ACAN: variants seen among roughly 807,000 people sequenced by gnomAD.
The protein encoded by ACAN is aggrecan core protein.
ACAN carries 47 observed loss-of-function variants against 169.1 expected under a neutral mutation model. The ratio of observed to expected loss-of-function variants is 0.28; its 90% CI spans 0.22 to 0.35. ACAN has a LOEUF of 0.35. ACAN is among the 10% of genes least tolerant of loss of function. ACAN has a pLI of 1.00. For missense variants in ACAN, 2,716 were observed against 2,759.9 expected (o/e 0.98, Z 0.36); for synonymous variants, 1,115 against 1,112.2 (o/e 1.00, Z -0.05).
chr15:88,821,987 C>T (rs1207580478), intron 1 of ACAN, among the ~76,000 whole-genome samples: 2 of 152,320 alleles, frequency 1.3e-5, no homozygotes, highest in South Asian at 2.1e-4. Context: ...CTAGAGGAGT[C>T]ATGCAGACAG....
Position 88,871,923 on chromosome 15 carries a change from C to T in ACAN, c.7220-80C>T, listed in dbSNP as rs1897388593. On this transcript the variant is annotated intron_variant, in intron 15 of 18. Transcript: ENST00000560601. The surrounding 1 kb of genome is among the most constrained non-coding windows in gnomAD (Gnocchi z 7.8). ...CCCACCTCCTTTCCTCCTCCATCCC[C>T]TCTGCCTCCGTGAGCTCAAGTTTCT... 9 of 1,290,384 alleles carry T rather than the reference C, an allele frequency of 7.0e-6. No individual in the cohort carries two copies. In the South Asian group the frequency reaches 9.4e-5, roughly 14 times the overall value. 79.9% of individuals were successfully genotyped at this position (1,290,384 alleles called of 1,614,324 possible).
rs1326641800 is a variant in ACAN at position 88,854,951 on chromosome 15, C to T, written c.2366C>T (p.Pro789Leu). The stretch of plus-strand genomic sequence containing the variant: ...CCCTCTGCCTCAGAGGAACCATCCC[C>T]CTCAGAGGTGCCATTCCCCTCAGAG... ...EVPSASEEPS[P>L]SEVPFPSEEP... Residue 789 changes from proline to leucine, a missense_variant, in exon 12 of 19, where the codon CCC becomes CTC. Transcript: ENST00000560601. 1.3e-6 allele frequency: 2 copies of T among 1,598,596 alleles called. No individual in the cohort carries two copies. Among genetic ancestry groups the T allele is most frequent in the Non-Finnish European group, 8.5e-7 (1 of 1,173,074 alleles).
chr15:88,839,183 G>T lies in ACAN; in HGVS notation c.454+137G>T. 9.0e-7 allele frequency: 1 copy of T among 1,113,016 alleles called. No homozygotes were observed. The allele number at this position is 1,113,016 out of a possible 1,614,324, so 68.9% of individuals were successfully genotyped here. A position where few individuals can be genotyped will look rare whatever the true frequency, so the allele number is the denominator to read the frequency against. On this transcript the variant is annotated intron_variant, in intron 3 of 18. Coordinates refer to ENST00000560601, the MANE Select transcript of ACAN (RefSeq NM_001369268.1). The surrounding 1 kb of genome is among the most constrained non-coding windows in gnomAD (Gnocchi z 4.5). ...TCAGCCAAGTTACTTAACTTCAGCT[G>T]CTTCCTCTGTGACATGGAGCTGGTA...
rs759847781 is a variant in ACAN, at chr15:88,843,483, A to C, written c.886A>C (p.Met296Leu). 4 of 1,612,150 alleles carry C rather than the reference A, an allele frequency of 2.5e-6. No individual in the cohort carries two copies. The highest frequency in any genetic ancestry group is 1.7e-5 in the Admixed American group (1 of 59,916). ...CCTGGCCTGGCAGGCTGGCATGGACATGTGCAGCGCCGGCTGGCTGGCCGA... is the reference window on the plus strand; with the variant it reads ...CCTGGCCTGGCAGGCTGGCATGGACCTGTGCAGCGCCGGCTGGCTGGCCGA... ...LYLAWQAGMD[M>L]CSAGWLADRS... The change falls in exon 6 of 19, where the codon ATG (methionine) becomes CTG (leucine). Residue 296 changes from methionine (M) to leucine (L), a missense_variant. Around this residue, in one of 3 missense-constraint regions of ACAN, gnomAD observed 1,283 missense variants for 1,281.5 expected, o/e 1.00. Coordinates refer to ENST00000560601, the MANE Select transcript of ACAN (RefSeq NM_001369268.1). The surrounding 1 kb of genome is among the most constrained non-coding windows in gnomAD (Gnocchi z 4.0).
intron 1 of ACAN, among the ~76,000 whole-genome samples, chr15:88,818,603 A>G (rs1596115928): frequency 6.6e-6 from 1 of 152,328 alleles, no homozygotes; most frequent in South Asian, 2.1e-4. Flanking sequence ...TAGCAAGCCA[A>G]TTAATTTATT....
intron 1 of ACAN, among the ~76,000 whole-genome samples, chr15:88,812,383 CCT>C (rs1481746294): frequency 6.6e-6 from 1 of 152,004 alleles, no homozygotes; most frequent in Non-Finnish European, 1.5e-5. Context: ...TTGCATATTT[CCT>C]CTCAGCCCCC....
rs893922109 is a variant in ACAN, at chr15:88,869,168, G to A, written c.7060+839G>A. On this transcript the variant is annotated intron_variant, in intron 14 of 18. Coordinates refer to ENST00000560601, the MANE Select transcript of ACAN (RefSeq NM_001369268.1). The surrounding 1 kb of genome is among the most constrained non-coding windows in gnomAD (Gnocchi z 4.2). The stretch of plus-strand genomic sequence containing the variant: ...TCTCCCCACCAGCCGCCTGGATCTC[G>A]GGGATTTCCCAGCTCAGAAAAGGGG... 5.9e-5 allele frequency among the ~76,000 whole-genome samples: 9 copies of A among 152,156 alleles called. No homozygotes were observed. Among genetic ancestry groups the A allele is most frequent in the Non-Finnish European group, 8.8e-5 (6 of 68,034 alleles).
chr15:88,807,976 T>C lies in ACAN; in HGVS notation c.-8+4167T>C, dbSNP rs1403378833. Among the ~76,000 whole-genome samples, 1 of 152,220 alleles carries C rather than the reference T, an allele frequency of 6.6e-6. No homozygotes were observed. The highest frequency in any genetic ancestry group is 1.5e-5 in the Non-Finnish European group (1 of 68,036). ...CCTTTGAGGTTACATGTTTTTCCTC[T>C]TAAGATACACACTCAAAAAAGGAGC... On this transcript the variant is annotated intron_variant, in intron 1 of 18. Transcript: ENST00000560601. This position sits in a 1 kb window ranked among gnomAD's most constrained non-coding sequence, Gnocchi z 4.0.
Position 88,858,767 on chromosome 15 carries a change from C to T in ACAN, c.6182C>T (p.Thr2061Ile), listed in dbSNP as rs1311425358. 1.2e-6 allele frequency: 2 copies of T among 1,613,898 alleles called. No homozygotes were observed. Among genetic ancestry groups the T allele is most frequent in the East Asian group, 4.5e-5 (2 of 44,878 alleles). Reference protein sequence around the residue: ...SQELGQRPPVTHTPQLFESSG... With the variant: ...SQELGQRPPVIHTPQLFESSG... Reference sequence around the variant, plus strand: ...GAACTAGGCCAAAGGCCCCCTGTGACACACACACCCCAGCTTTTTGAGTCC... The same window carrying T: ...GAACTAGGCCAAAGGCCCCCTGTGATACACACACCCCAGCTTTTTGAGTCC... The change falls in exon 12 of 19, where the codon ACA becomes ATA. Residue 2061 changes from threonine (T) to isoleucine (I), a missense_variant. By Grantham distance (89) the Thr-to-Ile change is moderately conservative. Transcript: ENST00000560601. The surrounding 1 kb of genome is among the most constrained non-coding windows in gnomAD (Gnocchi z 4.0).
Position 88,855,527 on chromosome 15 carries a change from T to A in ACAN, c.2942T>A (p.Val981Asp). 1.2e-6 allele frequency: 2 copies of A among 1,613,592 alleles called. No homozygotes were observed. Among genetic ancestry groups the A allele is most frequent in the Non-Finnish European group, 1.7e-6 (2 of 1,179,838 alleles). The change falls in exon 12 of 19, where the codon GTT becomes GAT. Residue 981 changes from valine (V) to aspartate (D), a missense_variant. Around this residue, in one of 3 missense-constraint regions of ACAN, gnomAD observed 44 missense variants for 114.7 expected, o/e 0.38. Transcript: ENST00000560601. The stretch of plus-strand genomic sequence containing the variant: ...CTCAGTGGGCTTCCTTCTGGAGAAG[T>A]TCTAGAGACCACTGCCCCTGGAGTA... ...GDLSGLPSGE[V>D]LETTAPGVED...
chr15:88,851,692 C>T lies in ACAN; in HGVS notation c.2027-102C>T. 7.2e-7 allele frequency: 1 copy of T among 1,394,980 alleles called. No homozygotes were observed. Among genetic ancestry groups the T allele is most frequent in the Non-Finnish European group, 9.5e-7 (1 of 1,048,960 alleles). 86.4% of individuals were successfully genotyped at this position (1,394,980 alleles called of 1,614,324 possible). ...CCATCTGCTGAACTAGGAGGTGGGG[C>T]CTGGCCACCTCAGAGTCCCCTAGCT... On this transcript the variant is annotated intron_variant, in intron 10 of 18. Coordinates refer to ENST00000560601, the MANE Select transcript of ACAN (RefSeq NM_001369268.1). The surrounding 1 kb of genome is among the most constrained non-coding windows in gnomAD (Gnocchi z 4.3).
rs1405371960 is a variant in ACAN at position 88,847,426 on chromosome 15, A to G, written c.1604+9A>G. ...CGGGACCAGACCGTCAGGTGAAGCCATGCTCCTCGCCCAGCCCAAACCCAA... is the reference window on the plus strand; with the variant it reads ...CGGGACCAGACCGTCAGGTGAAGCCGTGCTCCTCGCCCAGCCCAAACCCAA... On this transcript the variant is annotated intron_variant, in intron 8 of 18. Coordinates refer to ENST00000560601, the MANE Select transcript of ACAN (RefSeq NM_001369268.1). The G allele has an allele frequency of 3.2e-6, 5 of 1,559,668 alleles. No homozygotes were observed. In the East Asian group the frequency reaches 1.2e-4, roughly 37 times the overall value.
intron 1 of ACAN, among the ~76,000 whole-genome samples, chr15:88,811,108 G>A (rs2203642): frequency 0.3 from 45,101 of 152,004 alleles, 8,146 homozygotes; most frequent in East Asian, 0.57. Context: ...TATAGAACAC[G>A]CCTTCCAAGG....
At position 88,851,510 on chromosome 15, in the gene ACAN, G is replaced by A. The variant is rs1364203568; in HGVS notation, c.2027-284G>A. 5 of 339,700 alleles carry A rather than the reference G, an allele frequency of 1.5e-5. No individual in the cohort carries two copies. Among genetic ancestry groups the A allele is most frequent in the Non-Finnish European group, 2.1e-5 (4 of 186,898 alleles). 21.0% of individuals were successfully genotyped at this position (339,700 alleles called of 1,614,324 possible). A position where few individuals can be genotyped will look rare whatever the true frequency, so the allele number is the denominator to read the frequency against. ...TCTCATAAAGCTGTTGTGAGATAAA[G>A]TGATTTTAGATACACAAGGCTTTAG... On this transcript the variant is annotated intron_variant, in intron 10 of 18. Coordinates refer to ENST00000560601, the MANE Select transcript of ACAN (RefSeq NM_001369268.1). The surrounding 1 kb of genome is among the most constrained non-coding windows in gnomAD (Gnocchi z 4.3).
chr15:88,841,727 G>A lies in ACAN; in HGVS notation c.630-13G>A, dbSNP rs750130640. 1.2e-6 allele frequency: 2 copies of A among 1,613,512 alleles called. No homozygotes were observed. The highest frequency in any genetic ancestry group is 8.5e-7 in the Non-Finnish European group (1 of 1,179,730). The stretch of plus-strand genomic sequence containing the variant: ...CCCCTGAGTGTCACACCTCCATTTC[G>A]GGTTCCTGGCAGATACCCCATCCAC... On this transcript the variant is annotated splice_polypyrimidine_tract_variant and intron_variant, in intron 4 of 18. Transcript: ENST00000560601.
At position 88,851,281 on chromosome 15, in the gene ACAN, T is replaced by C. The variant is rs920583280; in HGVS notation, c.2027-513T>C. The C allele has an allele frequency of 6.4e-6, 1 of 157,252 alleles. No individual in the cohort carries two copies. The highest frequency in any genetic ancestry group is 1.4e-5 in the Non-Finnish European group (1 of 71,484). 9.7% of individuals were successfully genotyped at this position (157,252 alleles called of 1,614,324 possible). On this transcript the variant is annotated intron_variant, in intron 10 of 18. Coordinates refer to ENST00000560601, the MANE Select transcript of ACAN (RefSeq NM_001369268.1). The surrounding 1 kb of genome is among the most constrained non-coding windows in gnomAD (Gnocchi z 4.3). ...GCCGAGATGGTTTCATGGAATTGAG[T>C]ACCATCCTCCTATTTTTGGTCGTGA...
At chr15:88,837,555 C>T (rs958864492) in intron 2 of ACAN, among the ~76,000 whole-genome samples, 2 of 152,158 alleles carry the variant, frequency 1.3e-5, no homozygotes, top group African/African-American at 4.8e-5. Context: ...ACAGGGAAAC[C>T]AGTTCATTAG....
Position 88,872,605 on chromosome 15 carries a change from CA to C in ACAN, c.7303-275del, listed in dbSNP as rs1340852164. On this transcript the variant is annotated intron_variant, in intron 16 of 18. Coordinates refer to ENST00000560601, the MANE Select transcript of ACAN (RefSeq NM_001369268.1). This position sits in a 1 kb window ranked among gnomAD's most constrained non-coding sequence, Gnocchi z 5.4. ...CTGGATAAGAGGTGTGGAATCAGCT[CA>C]TGTACAGAGCCTGTGAGTCTTGGGG... is the stretch of plus-strand genomic sequence containing the variant. Among the ~76,000 whole-genome samples, 5 of 152,022 alleles carry C rather than the reference CA, an allele frequency of 3.3e-5. No individual in the cohort carries two copies. Among genetic ancestry groups the C allele is most frequent in the African/African-American group, 7.2e-5 (3 of 41,384 alleles).
chr15:88,842,432 A>T (rs1302442964), intron 5 of ACAN, among the ~76,000 whole-genome samples: 1 of 151,936 alleles, frequency 6.6e-6, no homozygotes, highest in African/African-American at 2.4e-5. Flanking sequence ...CGTGGATGAC[A>T]CCCTTTCCCC....
Sources: gnomAD v4.1 joint callset for allele counts (sites outside exome capture counted in the v4.1 genomes callset) on GRCh38, gnomAD v4.1.1 for gene constraint, gnomAD v4.1.1 regional missense constraint, Gnocchi (gnomAD v3.1) non-coding constraint, MANE v1.5 for transcripts, NCBI Gene and HGNC (gene_info 2026-07-23, HGNC 2026-07-21) for gene names.